BMP7: variants seen among roughly 807,000 people sequenced by gnomAD.
BMP7 encodes the protein osteogenic protein 1.
In BMP7, 12 loss-of-function variants were observed where a neutral mutation model predicts 41.2. The observed-to-expected ratio is 0.29, with a 90% CI of 0.19 to 0.47. The LOEUF (loss-of-function observed/expected upper bound fraction) is 0.47, where lower values mean the gene tolerates loss of function less well. BMP7 is among the 20% of genes least tolerant of loss of function. The pLI is 0.99. For missense variants in BMP7, 467 were observed against 606.0 expected (o/e 0.77, Z 2.41); for synonymous variants, 248 against 250.0 (o/e 0.99, Z 0.07).
chr20:57,190,093 A>C (rs1243433522), intron 3 of BMP7, among the ~76,000 whole-genome samples: 1 of 152,068 alleles, frequency 6.6e-6, no homozygotes, highest in Non-Finnish European at 1.5e-5. Flanking sequence ...AGGCTGGAGA[A>C]GTGAGCCAGG....
chr20:57,192,152 A>G (rs1419186997), intron 3 of BMP7, among the ~76,000 whole-genome samples: 3 of 125,012 alleles, frequency 2.4e-5, no homozygotes, highest in African/African-American at 3.2e-5. Flanking sequence ...TATAATATAT[A>G]GTTATACATA....
Position 57,228,333 on chromosome 20 carries a change from G to T in BMP7, c.507C>A (p.Val169=), listed in dbSNP as rs2066015992. ...DLSKIPEGEA[V]TAAEFRIYKD... is the part of the protein sequence containing the mutation. The stretch of plus-strand genomic sequence containing the variant: ...TGTAGATCCGGAATTCGGCTGCCGT[G>T]ACAGCTTCCCCTTCTGGGATCTTGG... Residue 169 remains valine (V), a synonymous_variant, in exon 2 of 7, where the codon GTC becomes GTA. Transcript: ENST00000395863. This position sits in a 1 kb window ranked among gnomAD's most constrained non-coding sequence, Gnocchi z 4.5. 1 of 1,613,892 alleles carries T rather than the reference G, an allele frequency of 6.2e-7. No homozygotes were observed. The highest frequency in any genetic ancestry group is 1.3e-5 in the African/African-American group (1 of 74,866).
Position 57,244,835 on chromosome 20 carries a change from C to G in BMP7, c.419-16414G>C, listed in dbSNP as rs567412511. On this transcript the variant is annotated intron_variant, in intron 1 of 6. Transcript: ENST00000395863. ...GAGGAGCCTGCTCAGACCTTCCCCC[C>G]AGAGCAGCCAGAGAGGCTTGGGTCA... Among the ~76,000 whole-genome samples the G allele has an allele frequency of 1.0e-3, 155 of 152,306 alleles. 1 individual carries two copies. The highest frequency in any genetic ancestry group is 3.6e-3 in the African/African-American group (149 of 41,578).
intron 2 of BMP7, chr20:57,225,762 C>A (rs534928720): frequency 1.1e-5 from 4 of 347,890 alleles, no homozygotes; most frequent in Non-Finnish European, 2.5e-5. Context: ...CTGCAGGAGG[C>A]ACAGGAAGAA....
intron 1 of BMP7, among the ~76,000 whole-genome samples, chr20:57,238,743 C>G (rs1478674424): frequency 6.6e-6 from 1 of 151,970 alleles, no homozygotes; most frequent in Non-Finnish European, 1.5e-5. Context: ...CTCCACATGG[C>G]TGGGGAGGCC....
At chr20:57,254,015 T>TC in intron 1 of BMP7, among the ~76,000 whole-genome samples, 1 of 137,222 alleles carries the variant, frequency 7.3e-6, no homozygotes, top group African/African-American at 2.7e-5. Context: ...TTGGTTTCTT[T>TC]CCTTTTTTTT....
intron 4 of BMP7, among the ~76,000 whole-genome samples, chr20:57,176,018 A>C (rs1427507475): frequency 6.6e-6 from 1 of 152,210 alleles, no homozygotes; most frequent in Admixed American, 6.5e-5. Flanking sequence ...TCACTATTAG[A>C]TCCCCAAAGC....
At chr20:57,240,161 T>A (rs1318059894) in intron 1 of BMP7, among the ~76,000 whole-genome samples, 3 of 152,240 alleles carry the variant, frequency 2.0e-5, no homozygotes, top group Admixed American at 2.0e-4. Context: ...TAAAAGTGAA[T>A]GCCTTTAACA....
intron 4 of BMP7, among the ~76,000 whole-genome samples, chr20:57,175,918 C>T (rs1447491404): frequency 6.6e-6 from 1 of 152,210 alleles, no homozygotes; most frequent in African/African-American, 2.4e-5. Flanking sequence ...GTGCCGTTTC[C>T]TCCACCTGCA....
intron 2 of BMP7, among the ~76,000 whole-genome samples, chr20:57,211,033 C>G (rs978775097): frequency 1.3e-5 from 2 of 152,182 alleles, no homozygotes; most frequent in African/African-American, 2.4e-5. Context: ...AGCCCCCCAC[C>G]ACCTTCAGGG....
In BMP7 at chr20:57,266,112, C is replaced by T; in HGVS notation, c.11G>A (p.Arg4His). The T allele has an allele frequency of 6.5e-7, 1 of 1,534,126 alleles. No individual in the cohort carries two copies. The highest frequency in any genetic ancestry group is 8.7e-7 in the Non-Finnish European group (1 of 1,145,710). MHVRSLRAAAPHSF... is the reference protein window; with the variant it reads MHVHSLRAAAPHSF... Reference sequence around the variant, plus strand: ...GTGCGGCGCCGCAGCTCGCAGTGAGCGCACGTGCATCGCGCCGGCTCTACG... The same window carrying T: ...GTGCGGCGCCGCAGCTCGCAGTGAGTGCACGTGCATCGCGCCGGCTCTACG... The change falls in exon 1 of 7, where the codon CGC becomes CAC. Residue 4 changes from arginine to histidine, a missense_variant. This residue lies in a region of BMP7 where 407 missense variants were observed against 485.9 expected (regional missense o/e 0.84). Coordinates refer to ENST00000395863, the MANE Select transcript of BMP7 (RefSeq NM_001719.3).
At chr20:57,207,083 C>A (rs2123094795) in intron 2 of BMP7, among the ~76,000 whole-genome samples, 1 of 152,332 alleles carries the variant, frequency 6.6e-6, no homozygotes, top group African/African-American at 2.4e-5. Context: ...GAAGTCTGGA[C>A]TGACCATGTG....
In BMP7 at chr20:57,228,792, A is replaced by T. The variant is rs138980410; in HGVS notation, c.419-371T>A. On this transcript the variant is annotated intron_variant, in intron 1 of 6. Transcript: ENST00000395863. This position sits in a 1 kb window ranked among gnomAD's most constrained non-coding sequence, Gnocchi z 4.5. ...AGAGTGGCCCTAGATAAGGTAACAGAAAACCTCTATGGAACCCAATTTCAT... is the reference window on the plus strand; with the variant it reads ...AGAGTGGCCCTAGATAAGGTAACAGTAAACCTCTATGGAACCCAATTTCAT... Among the ~76,000 whole-genome samples, 42 of 152,364 alleles carry T rather than the reference A, an allele frequency of 2.8e-4. No individual in the cohort carries two copies. The East Asian group carries it at 7.1e-3, about 26-fold the overall frequency.
chr20:57,228,511 A>G lies in BMP7; in HGVS notation c.419-90T>C. 1.4e-6 allele frequency: 2 copies of G among 1,460,394 alleles called. No homozygotes were observed. Among genetic ancestry groups the G allele is most frequent in the Non-Finnish European group, 1.9e-6 (2 of 1,041,736 alleles). The allele number at this position is 1,460,394 out of a possible 1,614,324, so 90.5% of individuals were successfully genotyped here. On this transcript the variant is annotated intron_variant, in intron 1 of 6. Transcript: ENST00000395863. This position sits in a 1 kb window ranked among gnomAD's most constrained non-coding sequence, Gnocchi z 4.5. ...GCTCTGAGTCCAAGCATCTTGCCTA[A>G]GCTAGATGGAGGCATGCCCATTGCC...
chr20:57,259,515 C>A lies in BMP7; in HGVS notation c.418+6190G>T, dbSNP rs186610198. Among the ~76,000 whole-genome samples, 7 of 152,312 alleles carry A rather than the reference C, an allele frequency of 4.6e-5. No individual in the cohort carries two copies. In the East Asian group the frequency reaches 1.4e-3, roughly 29 times the overall value. Reference sequence around the variant, plus strand: ...GCTCTGGTTTGGAAATGCATTAACACACGTTCAACATGTTTGCACAGGAAC... The same window carrying A: ...GCTCTGGTTTGGAAATGCATTAACAAACGTTCAACATGTTTGCACAGGAAC... On this transcript the variant is annotated intron_variant, in intron 1 of 6. Coordinates refer to ENST00000395863, the MANE Select transcript of BMP7 (RefSeq NM_001719.3). The surrounding 1 kb of genome is among the most constrained non-coding windows in gnomAD (Gnocchi z 4.7).
intron 3 of BMP7, among the ~76,000 whole-genome samples, chr20:57,194,365 G>A (rs1984444194): frequency 6.6e-6 from 1 of 152,130 alleles, no homozygotes; most frequent in Non-Finnish European, 1.5e-5. Context: ...AAACTTTATT[G>A]GAACACAGTC....
At chr20:57,217,488 C>T (rs1386187030) in intron 2 of BMP7, among the ~76,000 whole-genome samples, 1 of 152,202 alleles carries the variant, frequency 6.6e-6, no homozygotes, top group Non-Finnish European at 1.5e-5. Flanking sequence ...TCTGGGGACC[C>T]CGTGTGGCTG....
chr20:57,194,440 G>A (rs1201438280), intron 3 of BMP7, among the ~76,000 whole-genome samples: 2 of 152,102 alleles, frequency 1.3e-5, no homozygotes, highest in Non-Finnish European at 1.5e-5. Flanking sequence ...AAAAACGAAC[G>A]CCTGACGCTC....
chr20:57,225,163 C>CCCAGGTTGGGGACATGCAA (rs928003213), intron 2 of BMP7, among the ~76,000 whole-genome samples: 48 of 152,160 alleles, frequency 3.2e-4, no homozygotes, highest in Non-Finnish European at 6.0e-4. Context: ...GCTGTGCGGG[C>CCCAGGTTGGGGACATGCAA]CCAGGTTGGG....
Sources: allele counts gnomAD v4.1 joint callset (sites outside exome capture counted in the v4.1 genomes callset), GRCh38; gene constraint gnomAD v4.1.1; regional missense constraint gnomAD v4.1.1; non-coding constraint Gnocchi (gnomAD v3.1); transcripts MANE v1.5; gene names NCBI Gene and HGNC (gene_info 2026-07-23, HGNC 2026-07-21).